The following UNC13C variants were observed in gnomAD, a reference collection of about 807,000 sequenced individuals.
UNC13C encodes the protein unc-13 homolog C.
A neutral mutation model predicts 245.4 loss-of-function variants in UNC13C; 174 were observed. The ratio of observed to expected loss-of-function variants is 0.71; its 90% confidence interval spans 0.63 to 0.80. The LOEUF is 0.80. Ranked by LOEUF, UNC13C falls within the 30% of genes least tolerant of loss-of-function variation. The pLI is 0.00. For missense variants in UNC13C, 2,829 were observed against 2,602.9 expected (o/e 1.09, Z -1.89); for synonymous variants, 992 against 895.1 (o/e 1.11, Z -1.93).
intron 19 of UNC13C, among the ~76,000 whole-genome samples, chr15:54,449,901 G>C (rs1258063002): frequency 1.3e-5 from 2 of 152,288 alleles, no homozygotes; most frequent in East Asian, 1.9e-4. Context: ...CATCTTTGTG[G>C]TTTTATCTAC....
intron 14 of UNC13C, among the ~76,000 whole-genome samples, chr15:54,324,123 A>G (rs981595600): frequency 6.6e-6 from 1 of 152,064 alleles, no homozygotes; most frequent in African/African-American, 2.4e-5. Flanking sequence ...ACTACATCAG[A>G]AAAGTTGGTG....
At chr15:54,419,085 A>T (rs2040581499) in intron 19 of UNC13C, among the ~76,000 whole-genome samples, 1 of 152,200 alleles carries the variant, frequency 6.6e-6, no homozygotes, top group African/African-American at 2.4e-5. Flanking sequence ...TCTAAATAAC[A>T]GAAGAAAAAT....
At chr15:54,515,835 A>G (rs1327278739) in intron 24 of UNC13C, among the ~76,000 whole-genome samples, 4 of 152,130 alleles carry the variant, frequency 2.6e-5, no homozygotes, top group Non-Finnish European at 2.9e-5. Context: ...TATAATGATA[A>G]TGCTATTTGT....
At chr15:54,230,365 C>T (rs1306631133) in intron 4 of UNC13C, among the ~76,000 whole-genome samples, 1 of 151,690 alleles carries the variant, frequency 6.6e-6, no homozygotes, top group Non-Finnish European at 1.5e-5. Flanking sequence ...TTTTTTATAT[C>T]CTGCTTGATA....
At chr15:53,901,843 T>G in the UNC13C span, among the ~76,000 whole-genome samples, 4 of 152,180 alleles carry the variant, frequency 2.6e-5, no homozygotes, top group Admixed American at 2.6e-4. Context: ...GGTAATTGAT[T>G]ATTTCATGTT....
chr15:54,097,535 T>G (rs977868481), intron 2 of UNC13C, among the ~76,000 whole-genome samples: 1 of 152,218 alleles, frequency 6.6e-6, no homozygotes, highest in Non-Finnish European at 1.5e-5. Flanking sequence ...CTTTAACTTG[T>G]AATGGAATCT....
chr15:54,388,936 A>G (rs1197216151), intron 17 of UNC13C, among the ~76,000 whole-genome samples: 1 of 152,158 alleles, frequency 6.6e-6, no homozygotes. Context: ...CCATTAGTCA[A>G]TAAGTTCCAA....
At chr15:54,115,972 G>T (rs2030214135) in intron 2 of UNC13C, among the ~76,000 whole-genome samples, 1 of 127,908 alleles carries the variant, frequency 7.8e-6, no homozygotes, top group Non-Finnish European at 1.9e-5. Context: ...CCACCTCATT[G>T]GGTTATTTTT....
rs368968999 is a variant in UNC13C, at chr15:54,495,590, T to C, written c.5060+856T>C. On this transcript the variant is annotated intron_variant, in intron 20 of 32. Transcript: ENST00000260323. ...TGAAAATGAAAGTTATGAGCATAAT[T>C]ATGGAGGTAAGAATATATGAGCTAT... Among the ~76,000 whole-genome samples, 20 of 152,068 alleles carry C rather than the reference T, an allele frequency of 1.3e-4. 1 individual carries two copies. The South Asian group carries it at 3.9e-3, about 30-fold the overall frequency.
intron 17 of UNC13C, among the ~76,000 whole-genome samples, chr15:54,376,941 G>C (rs1302565537): frequency 6.6e-6 from 1 of 152,194 alleles, no homozygotes; most frequent in Non-Finnish European, 1.5e-5. Flanking sequence ...TCCTAGATTA[G>C]AATAGGCCCT....
intron 17 of UNC13C, among the ~76,000 whole-genome samples, chr15:54,388,863 C>T (rs1041505256): frequency 1.3e-5 from 2 of 152,064 alleles, no homozygotes; most frequent in Non-Finnish European, 1.5e-5. Flanking sequence ...GTTCAGAATG[C>T]TTTTGAAACT....
chr15:54,602,021 C>T (rs1055185701), intron 30 of UNC13C, among the ~76,000 whole-genome samples: 1 of 152,126 alleles, frequency 6.6e-6, no homozygotes, highest in Admixed American at 6.5e-5. Context: ...GCAACCCAGT[C>T]CTCCTGTCTT....
chr15:54,320,797 C>A, intron 13 of UNC13C: 2 of 342,426 alleles, frequency 5.8e-6, no homozygotes. Context: ...TCCTGGTTGG[C>A]AAAGTATTGG....
intron 17 of UNC13C, among the ~76,000 whole-genome samples, chr15:54,344,726 C>T (rs755625088): frequency 5.3e-5 from 8 of 152,080 alleles, no homozygotes; most frequent in Non-Finnish European, 7.4e-5. Flanking sequence ...ACCTTTTTGT[C>T]TTATAGCATA....
At chr15:54,609,694 T>A (rs1391920212) in intron 30 of UNC13C, among the ~76,000 whole-genome samples, 1 of 152,230 alleles carries the variant, frequency 6.6e-6, no homozygotes, top group African/African-American at 2.4e-5. Flanking sequence ...TACAAATACT[T>A]CTTTCTTCCC....
chr15:54,067,939 A>T (rs1898147230), intron 2 of UNC13C, among the ~76,000 whole-genome samples: 1 of 152,226 alleles, frequency 6.6e-6, no homozygotes, highest in African/African-American at 2.4e-5. Context: ...CAGGATAACC[A>T]GTTAAATTAT....
chr15:53,991,336 A>G (rs561591891), intron 1 of UNC13C, among the ~76,000 whole-genome samples: 1 of 152,094 alleles, frequency 6.6e-6, no homozygotes, highest in African/African-American at 2.4e-5. Flanking sequence ...TTGGTCTAAA[A>G]TTATGTGGGT....
intron 19 of UNC13C, among the ~76,000 whole-genome samples, chr15:54,467,396 CT>C (rs111227798): frequency 3.3e-5 from 5 of 150,358 alleles, no homozygotes; most frequent in South Asian, 2.1e-4. Flanking sequence ...CTACAAATTT[CT>C]TTTTTTTTAC....
At chr15:54,051,728 A>G (rs1401525603) in intron 2 of UNC13C, among the ~76,000 whole-genome samples, 1 of 149,652 alleles carries the variant, frequency 6.7e-6, no homozygotes, top group Non-Finnish European at 1.5e-5. Context: ...AAGTGGATTG[A>G]GCTCGTTTAA....
Sources: allele counts gnomAD v4.1 joint callset (sites outside exome capture counted in the v4.1 genomes callset), GRCh38; gene constraint gnomAD v4.1.1; transcripts MANE v1.5; gene names NCBI Gene and HGNC (gene_info 2026-07-23, HGNC 2026-07-21).